GPHN: variants seen among roughly 807,000 people sequenced by gnomAD.
GPHN encodes gephyrin.
A neutral mutation model predicts 95.5 loss-of-function variants in GPHN; 17 were observed. That is an observed-to-expected ratio of 0.18 (90% CI 0.12 to 0.27). The LOEUF is 0.27. Ranked by LOEUF, GPHN falls within the 10% of genes least tolerant of loss-of-function variation. GPHN has a pLI of 1.00. For missense variants in GPHN, 660 were observed against 978.1 expected, an observed-to-expected ratio of 0.67 and a Z score of 4.34; for synonymous variants, 320 against 322.5, an observed-to-expected ratio of 0.99 and a Z score of 0.08.
At chr14:67,191,415 AT>A in the GPHN span, among the ~76,000 whole-genome samples, 1 of 152,208 alleles carries the variant, frequency 6.6e-6, no homozygotes, top group Non-Finnish European at 1.5e-5. Flanking sequence ...TGTAGAGGAC[AT>A]TTTAGGGGCA....
the GPHN span, among the ~76,000 whole-genome samples, chr14:67,269,449 T>A: frequency 3.9e-5 from 6 of 152,264 alleles, no homozygotes; most frequent in South Asian, 4.2e-4. Context: ...CCAGACTGTT[T>A]CCAATGTGTT....
the GPHN span, chr14:67,321,353 G>C: frequency 8.7e-7 from 1 of 1,153,808 alleles, no homozygotes; most frequent in South Asian, 1.3e-5. Context: ...AGAACAGCGC[G>C]ACCTAATTAA....
chr14:67,114,773 TTC>T (rs1332862937), intron 16 of GPHN, among the ~76,000 whole-genome samples: 2 of 152,242 alleles, frequency 1.3e-5, no homozygotes, highest in East Asian at 1.9e-4. Flanking sequence ...TTGCTTATAT[TTC>T]TCTCTCATGC....
intron 1 of GPHN, among the ~76,000 whole-genome samples, chr14:66,574,503 C>A (rs1390941777): frequency 6.6e-6 from 1 of 152,172 alleles, no homozygotes; most frequent in African/African-American, 2.4e-5. Context: ...TTTATATTTT[C>A]ATATGTTTAC....
At chr14:67,675,213 C>G in the GPHN span, among the ~76,000 whole-genome samples, 86 of 152,252 alleles carry the variant, frequency 5.6e-4, no homozygotes, top group Non-Finnish European at 1.6e-4. Context: ...CCCAAGCTTT[C>G]AGAAGTGGAA....
chr14:67,626,213 C>T, the GPHN span, among the ~76,000 whole-genome samples: 2,352 of 152,044 alleles, frequency 0.015, 73 homozygotes, highest in African/African-American at 0.053. Flanking sequence ...GAGATTGTAC[C>T]ACTGCACTCC....
the GPHN span, among the ~76,000 whole-genome samples, chr14:67,511,678 G>A: frequency 3.5e-4 from 54 of 152,280 alleles, no homozygotes; most frequent in East Asian, 9.8e-3. Context: ...GTGGAAAGTC[G>A]CCTTTCAGAA....
the GPHN span, chr14:67,646,319 CTG>C: frequency 3.5e-6 from 1 of 282,908 alleles, no homozygotes; most frequent in South Asian, 7.2e-5. Context: ...AAGAACCAAT[CTG>C]TAAACAAGTC....
At chr14:66,591,625 A>G (rs1028497211) in intron 1 of GPHN, among the ~76,000 whole-genome samples, 7 of 152,218 alleles carry the variant, frequency 4.6e-5, no homozygotes, top group African/African-American at 1.4e-4. Context: ...TTCAAGTACA[A>G]CTACAAACCA....
At chr14:66,767,441 GAAA>G (rs375844697) in intron 2 of GPHN, among the ~76,000 whole-genome samples, 39,059 of 96,814 alleles carry the variant, frequency 0.4, 8,215 homozygotes, top group African/African-American at 0.64. Flanking sequence ...TTTTTGAACA[GAAA>G]AAAAAAAAAA....
chr14:67,089,354 G>A (rs529801201), intron 12 of GPHN, among the ~76,000 whole-genome samples: 1 of 151,386 alleles, frequency 6.6e-6, no homozygotes, highest in Non-Finnish European at 1.5e-5. Context: ...TAATATTTGT[G>A]GATACATGGT....
At chr14:66,997,096 T>C (rs1177022085) in intron 9 of GPHN, among the ~76,000 whole-genome samples, 1 of 152,150 alleles carries the variant, frequency 6.6e-6, no homozygotes, top group African/African-American at 2.4e-5. Flanking sequence ...CCAGGTGCAG[T>C]GGCTCACACC....
Position 66,595,687 on chromosome 14 carries a change from A to G in GPHN, c.65-85420A>G, listed in dbSNP as rs548527655. 5.3e-4 allele frequency among the ~76,000 whole-genome samples: 81 copies of G among 152,146 alleles called. 1 individual carries two copies. The highest frequency in any genetic ancestry group is 2.9e-3 in the Admixed American group (44 of 15,298). ...CACTGGGGTAGGCAGTGGTGCCTGG[A>G]AGCTTGGAGACTTCAGGAACTGCAG... On this transcript the variant is annotated intron_variant, in intron 1 of 22. Transcript: ENST00000478722.
At chr14:66,552,505 AT>A (rs1402892880) in intron 1 of GPHN, among the ~76,000 whole-genome samples, 1 of 152,130 alleles carries the variant, frequency 6.6e-6, no homozygotes, top group Non-Finnish European at 1.5e-5. Flanking sequence ...TTTATTTACC[AT>A]TTCTGAAGCT....
At chr14:66,636,721 G>A (rs2064120902) in intron 1 of GPHN, among the ~76,000 whole-genome samples, 2 of 152,086 alleles carry the variant, frequency 1.3e-5, no homozygotes, top group Admixed American at 1.3e-4. Context: ...TAAGGACCCT[G>A]TAGAAATCAG....
rs1184151246 is a variant in GPHN, at chr14:67,144,245, AAAAAAATATATATATATATAT to A, written c.1836+798_1836+818del. Among the ~76,000 whole-genome samples the A allele has an allele frequency of 2.7e-3, 182 of 66,648 alleles. 7 individuals carry two copies. The highest frequency in any genetic ancestry group is 4.6e-3 in the Admixed American group (22 of 4,758). The allele number at this position is 66,648 out of a possible 152,430, so 43.7% of individuals were successfully genotyped here. On this transcript the variant is annotated intron_variant, in intron 18 of 22. Transcript: ENST00000478722. ...CAGCAAGACCCTGTCTTAAAAAAAA[AAAAAAATATATATATATATAT>A]ATATATATATATATATATATACACA...
the GPHN span, chr14:67,383,693 A>G: frequency 7.3e-6 from 3 of 412,758 alleles, no homozygotes; most frequent in East Asian, 1.8e-4. Flanking sequence ...CTTTAAGAAT[A>G]GTTCTAAAAT....
At chr14:66,709,335 T>C (rs1439746142) in intron 2 of GPHN, 1 of 456,008 alleles carries the variant, frequency 2.2e-6, no homozygotes, top group Admixed American at 2.3e-5. Flanking sequence ...AAGCCTGTAC[T>C]GTAGTCCCCT....
At chr14:67,043,456 G>T (rs575022990) in intron 10 of GPHN, among the ~76,000 whole-genome samples, 110 of 152,218 alleles carry the variant, frequency 7.2e-4, no homozygotes, top group Non-Finnish European at 5.1e-4. Context: ...GTTGAATTTT[G>T]TCAAAGGCCT....
Sources: allele counts gnomAD v4.1 joint callset (sites outside exome capture counted in the v4.1 genomes callset), GRCh38; gene constraint gnomAD v4.1.1; transcripts MANE v1.5; gene names NCBI Gene and HGNC (gene_info 2026-07-23, HGNC 2026-07-21).